Variants in CTNNA2 observed in about 807,000 individuals in gnomAD.
CTNNA2 encodes the protein catenin alpha 2.
CTNNA2 carries 42 observed loss-of-function variants against 101.0 expected under a neutral mutation model. That is an observed-to-expected ratio of 0.42 (90% CI 0.32 to 0.54). The LOEUF is 0.54. CTNNA2 is among the 20% of genes least tolerant of loss of function. The pLI, the probability that CTNNA2 is intolerant of heterozygous loss-of-function variation, is 0.14. For synonymous variants in CTNNA2, 450 were observed against 456.4 expected, an observed-to-expected ratio of 0.99 and a Z score of 0.18; for missense variants, 871 against 1,223.1, an observed-to-expected ratio of 0.71 and a Z score of 4.29.
chr2:80,108,905 T>TA (rs79841898), intron 7 of CTNNA2, among the ~76,000 whole-genome samples: 45,332 of 151,776 alleles, frequency 0.3, 7,670 homozygotes, highest in East Asian at 0.52. Context: ...AGATTTTCAC[T>TA]AAACAAAACA....
intron 3 of CTNNA2, among the ~76,000 whole-genome samples, chr2:79,763,322 C>T (rs1672926664): frequency 6.6e-6 from 1 of 151,988 alleles, no homozygotes; most frequent in Non-Finnish European, 1.5e-5. Context: ...TTGCACAGAC[C>T]CTGATATTTT....
chr2:80,316,978 G>GGT (rs1678190536), intron 7 of CTNNA2, among the ~76,000 whole-genome samples: 1 of 152,108 alleles, frequency 6.6e-6, no homozygotes, highest in Admixed American at 6.6e-5. Context: ...TCTACGGGTA[G>GGT]GCAAGGCTTC....
chr2:80,252,866 G>A (rs1436092134), intron 7 of CTNNA2, among the ~76,000 whole-genome samples: 1 of 152,042 alleles, frequency 6.6e-6, no homozygotes, highest in Non-Finnish European at 1.5e-5. Flanking sequence ...GAGTGGGAGT[G>A]GTAAGTTGGT....
chr2:80,438,057 C>A (rs1393258669), intron 9 of CTNNA2, among the ~76,000 whole-genome samples: 1 of 152,156 alleles, frequency 6.6e-6, no homozygotes, highest in African/African-American at 2.4e-5. Context: ...GTGGCTTAAA[C>A]AACAGAAGTT....
At chr2:79,602,781 G>A (rs576999177) in intron 1 of CTNNA2, among the ~76,000 whole-genome samples, 34 of 152,016 alleles carry the variant, frequency 2.2e-4, no homozygotes, top group Non-Finnish European at 4.0e-4. Flanking sequence ...TGAAAAAATC[G>A]TGAAACCTTA....
intron 7 of CTNNA2, among the ~76,000 whole-genome samples, chr2:80,074,551 T>C (rs980235186): frequency 2.6e-5 from 4 of 152,116 alleles, no homozygotes; most frequent in Non-Finnish European, 5.9e-5. Flanking sequence ...AGAGGGCTTA[T>C]ACATGGCAAG....
intron 3 of CTNNA2, among the ~76,000 whole-genome samples, chr2:79,835,784 C>T (rs1380734978): frequency 6.7e-6 from 1 of 148,876 alleles, no homozygotes; most frequent in Non-Finnish European, 1.5e-5. Flanking sequence ...AGGCATGTGC[C>T]ACCATACCCA....
At chr2:79,680,453 C>T (rs1392574972) in intron 2 of CTNNA2, among the ~76,000 whole-genome samples, 1 of 152,004 alleles carries the variant, frequency 6.6e-6, no homozygotes, top group Admixed American at 6.6e-5. Context: ...AAAGAGTTCA[C>T]AGAGGTGTCA....
chr2:79,297,342 TC>T (rs1676002534), intron 2 of CTNNA2, among the ~76,000 whole-genome samples: 1 of 152,178 alleles, frequency 6.6e-6, no homozygotes, highest in Admixed American at 6.5e-5. Flanking sequence ...TGTTCTGAAA[TC>T]TTAACTTCAG....
chr2:80,601,170 T>C (rs1348117867), intron 15 of CTNNA2, among the ~76,000 whole-genome samples: 1 of 152,160 alleles, frequency 6.6e-6, no homozygotes, highest in African/African-American at 2.4e-5. Context: ...CCAGCACTCA[T>C]GTCAATTCTG....
At chr2:79,914,166 C>CAAAA (rs55675912) in intron 7 of CTNNA2, among the ~76,000 whole-genome samples, 146 of 89,702 alleles carry the variant, frequency 1.6e-3, no homozygotes, top group Non-Finnish European at 2.6e-3. Context: ...GACTCCGTCT[C>CAAAA]AAAAAAAAAA....
chr2:79,247,908 G>C (rs1674719063), intron 2 of CTNNA2, among the ~76,000 whole-genome samples: 1 of 152,162 alleles, frequency 6.6e-6, no homozygotes, highest in Non-Finnish European at 1.5e-5. Context: ...GGAGCCTCTA[G>C]AAGGAGCACG....
chr2:79,378,904 G>C (rs147219013), intron 4 of CTNNA2, among the ~76,000 whole-genome samples: 1 of 151,946 alleles, frequency 6.6e-6, no homozygotes, highest in African/African-American at 2.4e-5. Context: ...TACTTCTTTG[G>C]GTCATGGGGA....
intron 15 of CTNNA2, among the ~76,000 whole-genome samples, chr2:80,597,314 G>A (rs985283033): frequency 3.3e-5 from 5 of 151,996 alleles, no homozygotes; most frequent in African/African-American, 1.2e-4. Flanking sequence ...TTAACTCAAC[G>A]TGGACTAAAG....
Position 80,581,788 on chromosome 2 carries a change from A to T in CTNNA2, c.1976A>T (p.Asp659Val). 6.2e-7 allele frequency: 1 copy of T among 1,612,750 alleles called. No individual in the cohort carries two copies. The highest frequency in any genetic ancestry group is 8.5e-7 in the Non-Finnish European group (1 of 1,178,936). ...VRSRTSVQTE[D>V]DQLIAGQSAR... ...AGCAGGACAAGTGTTCAGACTGAGG[A>T]TGACCAGCTCATTGCAGGGCAGAGC... The change falls in exon 14 of 19, where the codon GAT becomes GTT. Residue 659 changes from aspartate to valine, a missense_variant. Coordinates refer to ENST00000402739, the MANE Select transcript of CTNNA2 (RefSeq NM_001282597.3).
chr2:79,411,672 A>G (rs1056997856), intron 4 of CTNNA2, among the ~76,000 whole-genome samples: 1 of 152,092 alleles, frequency 6.6e-6, no homozygotes, highest in African/African-American at 2.4e-5. Flanking sequence ...GAGAAATAAA[A>G]TACTTTACAG....
chr2:79,307,196 G>A (rs182690530), intron 2 of CTNNA2, among the ~76,000 whole-genome samples: 56 of 152,244 alleles, frequency 3.7e-4, no homozygotes, highest in Middle Eastern at 3.4e-3. Flanking sequence ...TCAGGGTAAT[G>A]AGCATATCCA....
intron 4 of CTNNA2, among the ~76,000 whole-genome samples, chr2:79,401,160 C>T (rs1034344216): frequency 6.6e-5 from 10 of 151,548 alleles, no homozygotes; most frequent in Admixed American, 4.0e-4. Flanking sequence ...ATGAATACTC[C>T]GGGGATAGAT....
intron 7 of CTNNA2, among the ~76,000 whole-genome samples, chr2:80,234,904 C>T (rs1273987421): frequency 6.6e-6 from 1 of 151,782 alleles, no homozygotes; most frequent in Non-Finnish European, 1.5e-5. Context: ...CATAAAGATC[C>T]ATAAACAATA....
Sources: allele counts gnomAD v4.1 joint callset (sites outside exome capture counted in the v4.1 genomes callset), GRCh38; gene constraint gnomAD v4.1.1; transcripts MANE v1.5; gene names NCBI Gene and HGNC (gene_info 2026-07-23, HGNC 2026-07-21).